TUBB: variants seen among roughly 807,000 people sequenced by gnomAD.
TUBB encodes the protein tubulin beta chain.
A neutral mutation model predicts 35.1 loss-of-function variants in TUBB; 2 were observed. The ratio of observed to expected loss-of-function variants is 0.06; its 90% CI spans 0.02 to 0.18. The LOEUF is 0.18. Among genes scored for constraint, TUBB ranks in the 10% least tolerant of loss-of-function variants. The probability of loss-of-function intolerance (pLI) is 1.00; values close to 1 mark genes in which losing one functional copy is unlikely to be tolerated. For synonymous variants in TUBB, 205 were observed against 223.8 expected, an observed-to-expected ratio of 0.92 and a Z score of 0.75; for missense variants, 50 against 599.4, an observed-to-expected ratio of 0.08 and a Z score of 9.57.
At chr6:30,721,677 C>G (rs1410926266) in intron 1 of TUBB, 1 of 985,374 alleles carries the variant, frequency 1.0e-6, no homozygotes, top group East Asian at 1.1e-4. Context: ...TGGGGCGGTG[C>G]CCAGCTTGGG....
At chr6:30,721,633 T>TCCTCAGAC in intron 1 of TUBB, 1 of 985,376 alleles carries the variant, frequency 1.0e-6, no homozygotes, top group Non-Finnish European at 1.2e-6. Flanking sequence ...GGCAGCTCTT[T>TCCTCAGAC]CCTCAGACCC....
chr6:30,723,275 A>G, intron 3 of TUBB, 65 bp from the exon 4 acceptor site: 1 of 1,324,622 alleles, frequency 7.5e-7, no homozygotes, highest in Non-Finnish European at 1.0e-6. Flanking sequence ...GAAAAGTTGA[A>G]AGATGGAAAC....
chr6:30,720,678 C>A, intron 1 of TUBB, 115 bp downstream of exon 1: 1 of 882,598 alleles, frequency 1.1e-6, no homozygotes, highest in Non-Finnish European at 1.8e-6. Context: ...TTGCCCCTCT[C>A]AAGTTTGTTA....
intron 1 of TUBB, chr6:30,721,720 G>C: frequency 1.0e-6 from 1 of 985,144 alleles, no homozygotes; most frequent in Non-Finnish European, 1.2e-6. Context: ...AAGTGTGGTC[G>C]ACCTCCATCC....
In TUBB at chr6:30,723,051, G is replaced by C. The variant is rs567974983; in HGVS notation, c.277+23G>C. The C allele has an allele frequency of 3.8e-6, 6 of 1,564,736 alleles. No individual in the cohort carries two copies. The East Asian group carries it at 1.3e-4, about 35-fold the overall frequency. ...TTGGTGAGTTATACAGATGATATTAGCAGATGATATACCATCGTGTTCAAC... is the reference window on the plus strand; with the variant it reads ...TTGGTGAGTTATACAGATGATATTACCAGATGATATACCATCGTGTTCAAC... On this transcript the variant is annotated intron_variant, in intron 3 of 3. Transcript: ENST00000327892.
intron 2 of TUBB, 40 bp from the exon 3 acceptor site, chr6:30,722,878 T>C: frequency 6.5e-7 from 1 of 1,538,952 alleles, no homozygotes; most frequent in South Asian, 1.1e-5. Flanking sequence ...AAACCTTCCC[T>C]TCTGCCAGAT....
chr6:30,724,576 G>C lies in TUBB; in HGVS notation c.*179G>C. On this transcript the variant is annotated 3_prime_UTR_variant, in exon 4 of 4. Transcript: ENST00000327892. This position sits in a 1 kb window ranked among gnomAD's most constrained non-coding sequence, Gnocchi z 4.4. The stretch of plus-strand genomic sequence containing the variant: ...GGCGCTCAATAAATACTTGTTTGTT[G>C]AATGTCTCCTCTCTCTTTCCACTCT... 2 of 580,992 alleles carry C rather than the reference G, an allele frequency of 3.4e-6. No individual in the cohort carries two copies. Among genetic ancestry groups the C allele is most frequent in the South Asian group, 5.0e-5 (2 of 40,120 alleles). 36.0% of individuals were successfully genotyped at this position (580,992 alleles called of 1,614,324 possible).
chr6:30,722,829 T>G, intron 2 of TUBB, 89 bp from the exon 3 acceptor site: 1 of 1,259,844 alleles, frequency 7.9e-7, no homozygotes, highest in Non-Finnish European at 1.1e-6. Context: ...GAATGACAAG[T>G]CTCTGATCCC....
chr6:30,720,371 G>T lies in TUBB; in HGVS notation c.-136G>T. On this transcript the variant is annotated 5_prime_UTR_variant, in exon 1 of 4. Coordinates refer to ENST00000327892, the MANE Select transcript of TUBB (RefSeq NM_178014.4). ...TTCTCCCTCTCAGAACCTTCCTGCC[G>T]TCGCGTTTGCACCTCGCTGCTCCAG... 1 of 814,058 alleles carries T rather than the reference G, an allele frequency of 1.2e-6. No individual in the cohort carries two copies. The highest frequency in any genetic ancestry group is 2.1e-6 in the Non-Finnish European group (1 of 474,720). 50.4% of individuals were successfully genotyped at this position (814,058 alleles called of 1,614,324 possible).
Position 30,723,109 on chromosome 6 carries a change from GA to G in TUBB, c.277+82del, listed in dbSNP as rs1776406845. 14 of 1,221,016 alleles carry G rather than the reference GA, an allele frequency of 1.1e-5. No individual in the cohort carries two copies. In the South Asian group the frequency reaches 1.7e-4, roughly 15 times the overall value. The allele number at this position is 1,221,016 out of a possible 1,614,324, so 75.6% of individuals were successfully genotyped here. On this transcript the variant is annotated intron_variant, in intron 3 of 3. Transcript: ENST00000327892. ...GGTGCAAGGACACAGCAAAAGTTAG[GA>G]GATGATTGTTGTATTGGAGTGCTAA...
At position 30,722,531 on chromosome 6, in the gene TUBB, C is replaced by G. The variant is rs761733422; in HGVS notation, c.58-6C>G. 2 of 1,610,896 alleles carry G rather than the reference C, an allele frequency of 1.2e-6. No homozygotes were observed. The highest frequency in any genetic ancestry group is 1.3e-5 in the African/African-American group (1 of 74,952). ...CTGTTGTGGTCTCGTTGCTCCCCCT[C>G]GGCAGTTCTGGGAGGTGATCAGTGA... On this transcript the variant is annotated splice_polypyrimidine_tract_variant and splice_region_variant and intron_variant, in intron 1 of 3. Coordinates refer to ENST00000327892, the MANE Select transcript of TUBB (RefSeq NM_178014.4).
intron 1 of TUBB, 85 bp from the exon 2 acceptor site, chr6:30,722,452 A>T: frequency 1.0e-6 from 1 of 993,642 alleles, no homozygotes; most frequent in Non-Finnish European, 1.6e-6. Context: ...AAAAAAAATT[A>T]AGAAAAAGAT....
rs1296258079 is a variant in TUBB, at chr6:30,725,236, G to A, written c.*839G>A. ...GTTTGAGTCAGTCCCCAGAGGAGAG[G>A]GGAACCCTCCTCCATCTTTTTTGCA... On this transcript the variant is annotated 3_prime_UTR_variant, in exon 4 of 4. Coordinates refer to ENST00000327892, the MANE Select transcript of TUBB (RefSeq NM_178014.4). The A allele has an allele frequency of 6.3e-6, 1 of 158,962 alleles. No individual in the cohort carries two copies. Among genetic ancestry groups the A allele is most frequent in the Admixed American group, 6.5e-5 (1 of 15,308 alleles). The allele number at this position is 158,962 out of a possible 1,614,324, so 9.8% of individuals were successfully genotyped here. A position where few individuals can be genotyped will look rare whatever the true frequency, so the allele number is the denominator to read the frequency against.
chr6:30,724,727 C>G lies in TUBB; in HGVS notation c.*330C>G, dbSNP rs1448336951. 3 of 346,610 alleles carry G rather than the reference C, an allele frequency of 8.7e-6. No individual in the cohort carries two copies. Among genetic ancestry groups the G allele is most frequent in the South Asian group, 6.2e-5 (1 of 16,132 alleles). 21.5% of individuals were successfully genotyped at this position (346,610 alleles called of 1,614,324 possible). ...CTGGGTCTCCAGATCCCATTTAGAA[C>G]CAACCAGGTGCTGAAAACACATGTA... On this transcript the variant is annotated 3_prime_UTR_variant, in exon 4 of 4. Transcript: ENST00000327892. This position sits in a 1 kb window ranked among gnomAD's most constrained non-coding sequence, Gnocchi z 4.4.
At chr6:30,722,737 T>G (rs1463811952) in intron 2 of TUBB, 92 bp downstream of exon 2, 1 of 1,244,930 alleles carries the variant, frequency 8.0e-7, no homozygotes, top group Non-Finnish European at 1.1e-6. Flanking sequence ...CTTATCCCCT[T>G]TGGGTGAATC....
intron 1 of TUBB, chr6:30,721,785 C>T (rs1776288791): frequency 1.0e-6 from 1 of 985,206 alleles, no homozygotes; most frequent in South Asian, 4.7e-5. Flanking sequence ...AAAGCTGTGG[C>T]TTTCTCGGGG....
intron 1 of TUBB, among the ~76,000 whole-genome samples, chr6:30,720,856 G>A (rs1437541071): frequency 6.6e-6 from 1 of 152,278 alleles, no homozygotes; most frequent in African/African-American, 2.4e-5. Context: ...AACGGTCCGA[G>A]AACCGGGCAG....
In TUBB at chr6:30,725,177, C is replaced by G. The variant is rs931605286; in HGVS notation, c.*780C>G. ...TACTCCCAAAAAAGAATGAACACCCCTGACTCTGGAGTGGTGTATACTGCC... is the reference window on the plus strand; with the variant it reads ...TACTCCCAAAAAAGAATGAACACCCGTGACTCTGGAGTGGTGTATACTGCC... On this transcript the variant is annotated 3_prime_UTR_variant, in exon 4 of 4. Coordinates refer to ENST00000327892, the MANE Select transcript of TUBB (RefSeq NM_178014.4). 6.2e-6 allele frequency: 1 copy of G among 160,188 alleles called. No individual in the cohort carries two copies. The highest frequency in any genetic ancestry group is 1.4e-5 in the Non-Finnish European group (1 of 74,012). 9.9% of individuals were successfully genotyped at this position (160,188 alleles called of 1,614,324 possible). A position where few individuals can be genotyped will look rare whatever the true frequency, so the allele number is the denominator to read the frequency against.
chr6:30,723,560 C>G lies in TUBB; in HGVS notation c.498C>G (p.Thr166=). The G allele has an allele frequency of 6.2e-7, 1 of 1,614,240 alleles. No homozygotes were observed. Among genetic ancestry groups the G allele is most frequent in the Non-Finnish European group, 8.5e-7 (1 of 1,180,046 alleles). Residue 166 remains threonine (T), a synonymous_variant, in exon 4 of 4, where the codon ACC becomes ACG. Coordinates refer to ENST00000327892, the MANE Select transcript of TUBB (RefSeq NM_178014.4). ...REEYPDRIMN[T]FSVVPSPKVS... is the part of the protein sequence containing the mutation. ...AATACCCTGATCGCATCATGAATAC[C>G]TTCAGTGTGGTGCCTTCACCCAAAG...
Sources: allele counts gnomAD v4.1 joint callset (sites outside exome capture counted in the v4.1 genomes callset), GRCh38; gene constraint gnomAD v4.1.1; non-coding constraint Gnocchi (gnomAD v3.1); transcripts MANE v1.5; gene names NCBI Gene and HGNC (gene_info 2026-07-23, HGNC 2026-07-21).